Variants in ASCC3 observed in about 807,000 individuals in gnomAD.
ASCC3 encodes activating signal cointegrator 1 complex subunit 3.
ASCC3 carries 158 observed loss-of-function variants against 256.3 expected under a neutral mutation model. The observed-to-expected ratio is 0.62, with a 90% CI of 0.54 to 0.70. The LOEUF (loss-of-function observed/expected upper bound fraction) is 0.70. Ranked by LOEUF, ASCC3 falls within the 30% of genes least tolerant of loss-of-function variation. The probability of loss-of-function intolerance (pLI) is 0.00; values close to 1 mark genes in which losing one functional copy is unlikely to be tolerated. For missense variants in ASCC3, 2,259 were observed against 2,626.0 expected, an observed-to-expected ratio of 0.86 and a Z score of 3.05; for synonymous variants, 948 against 883.4, an observed-to-expected ratio of 1.07 and a Z score of -1.30.
chr6:100,527,606 T>C (rs1030885462), intron 37 of ASCC3, among the ~76,000 whole-genome samples: 1 of 152,180 alleles, frequency 6.6e-6, no homozygotes, highest in African/African-American at 2.4e-5. Context: ...TCCATGGCAA[T>C]TCTACCTCCT....
At chr6:100,824,979 T>C (rs1487398576) in intron 4 of ASCC3, among the ~76,000 whole-genome samples, 1 of 152,186 alleles carries the variant, frequency 6.6e-6, no homozygotes, top group Non-Finnish European at 1.5e-5. Flanking sequence ...ATCTCAATAG[T>C]AATACAGTAT....
At chr6:100,637,656 AAGG>A (rs1774908055) in intron 25 of ASCC3, among the ~76,000 whole-genome samples, 1 of 152,128 alleles carries the variant, frequency 6.6e-6, no homozygotes, top group Admixed American at 6.6e-5. Flanking sequence ...TGATTCTTGG[AAGG>A]AGGTCAAAAT....
At chr6:100,748,306 G>GT (rs1780195614) in intron 10 of ASCC3, among the ~76,000 whole-genome samples, 1 of 151,778 alleles carries the variant, frequency 6.6e-6, no homozygotes, top group Admixed American at 6.6e-5. Flanking sequence ...ATGAAGTATA[G>GT]TAAGTTAGGG....
intron 15 of ASCC3, 110 bp downstream of exon 15, chr6:100,662,235 T>C: frequency 8.0e-7 from 1 of 1,250,076 alleles, no homozygotes; most frequent in Non-Finnish European, 1.1e-6. Flanking sequence ...ATAAATAACA[T>C]TCAAAGTCAA....
intron 4 of ASCC3, among the ~76,000 whole-genome samples, chr6:100,818,716 G>T (rs1391092238): frequency 1.5e-5 from 2 of 135,940 alleles, no homozygotes; most frequent in African/African-American, 5.6e-5. Flanking sequence ...ACACTGTACT[G>T]TAGGTTCTAG....
intron 4 of ASCC3, among the ~76,000 whole-genome samples, chr6:100,823,567 T>A (rs1354463683): frequency 6.6e-6 from 1 of 152,196 alleles, no homozygotes; most frequent in African/African-American, 2.4e-5. Flanking sequence ...AAGTCATTAT[T>A]ATCTGTTAAG....
intron 4 of ASCC3, among the ~76,000 whole-genome samples, chr6:100,832,207 C>G (rs920643618): frequency 6.6e-6 from 1 of 151,978 alleles, no homozygotes; most frequent in Non-Finnish European, 1.5e-5. Flanking sequence ...CATGAATATT[C>G]AGAAAGAACG....
intron 10 of ASCC3, among the ~76,000 whole-genome samples, chr6:100,751,864 C>A (rs79096570): frequency 0.019 from 2,949 of 152,176 alleles, 88 homozygotes; most frequent in African/African-American, 0.068. Flanking sequence ...ATATTACTAA[C>A]TCCCTAAAAG....
At chr6:100,604,800 A>G (rs1165116114) in intron 33 of ASCC3, among the ~76,000 whole-genome samples, 1 of 152,118 alleles carries the variant, frequency 6.6e-6, no homozygotes, top group Non-Finnish European at 1.5e-5. Context: ...AAAAAGAACC[A>G]ACAATTATAT....
chr6:100,718,066 A>T lies in ASCC3; in HGVS notation c.2079+9T>A. On this transcript the variant is annotated intron_variant, in intron 12 of 41. Transcript: ENST00000369162. ...ATATTTTTAGATAAGAATTAAAATG[A>T]GTATTTACCTTATTTGCACATTTAA... is the stretch of plus-strand genomic sequence containing the variant. 1 of 1,611,130 alleles carries T rather than the reference A, an allele frequency of 6.2e-7. No individual in the cohort carries two copies. Among genetic ancestry groups the T allele is most frequent in the Non-Finnish European group, 8.5e-7 (1 of 1,177,950 alleles).
rs768178921 is a variant in ASCC3, at chr6:100,601,827, A to G, written c.5286T>C (p.Arg1762=). The change falls in exon 34 of 42, where the codon CGT becomes CGC. Residue 1762 remains arginine, a synonymous_variant. Coordinates refer to ENST00000369162, the MANE Select transcript of ASCC3 (RefSeq NM_006828.4). The stretch of plus-strand genomic sequence containing the variant: ...GCACTTACCTGGGATTCATGATAAG[A>G]CGTCGGAAAAAGTAAGTCCAGGTGA... The part of the protein sequence containing the change: ...DYITWTYFFR[R]LIMNPSYYNL... The G allele has an allele frequency of 2.4e-5, 39 of 1,612,338 alleles. No homozygotes were observed. Among genetic ancestry groups the G allele is most frequent in the Non-Finnish European group, 1.6e-5 (19 of 1,178,812 alleles).
chr6:100,614,002 A>G (rs1240843277), intron 30 of ASCC3, among the ~76,000 whole-genome samples: 1 of 152,122 alleles, frequency 6.6e-6, no homozygotes, highest in Non-Finnish European at 1.5e-5. Context: ...ATTCTTAATA[A>G]AAGCAGTATC....
chr6:100,766,767 G>T (rs879044919), intron 9 of ASCC3, 62 bp from the exon 10 acceptor site: 23 of 1,588,078 alleles, frequency 1.4e-5, no homozygotes, highest in African/African-American at 1.3e-5. Context: ...TTGTCTTACA[G>T]TAGCCAATAC....
chr6:100,811,266 T>C (rs368828854), intron 4 of ASCC3, among the ~76,000 whole-genome samples: 4 of 152,118 alleles, frequency 2.6e-5, no homozygotes, highest in Admixed American at 2.6e-4. Context: ...AATGTTAACA[T>C]TAAAGTGCTA....
chr6:100,573,916 C>T (rs562572210), intron 36 of ASCC3, among the ~76,000 whole-genome samples: 7 of 152,174 alleles, frequency 4.6e-5, no homozygotes, highest in East Asian at 1.9e-4. Context: ...TTATATGCCC[C>T]GGGGAGCTTG....
At chr6:100,578,961 C>G (rs759822201) in intron 36 of ASCC3, among the ~76,000 whole-genome samples, 1 of 152,034 alleles carries the variant, frequency 6.6e-6, no homozygotes, top group Admixed American at 6.6e-5. Flanking sequence ...ATAAATGATG[C>G]CTTTTCTCTG....
intron 24 of ASCC3, 80 bp from the exon 25 acceptor site, chr6:100,638,901 T>C: frequency 1.7e-6 from 2 of 1,173,018 alleles, no homozygotes; most frequent in Non-Finnish European, 2.5e-6. Context: ...AATAATAGAT[T>C]ATAGTAATCC....
At chr6:100,776,616 C>T (rs1234006830) in intron 8 of ASCC3, among the ~76,000 whole-genome samples, 1 of 151,990 alleles carries the variant, frequency 6.6e-6, no homozygotes, top group African/African-American at 2.4e-5. Context: ...TTATTAAATA[C>T]TGGTAATACA....
chr6:100,747,113 A>C lies in ASCC3; in HGVS notation c.1737+19452T>G, dbSNP rs9498257. On this transcript the variant is annotated intron_variant, in intron 10 of 41. Transcript: ENST00000369162. ...AGGGCAAAAGACTTGAATACACACA[A>C]CACCAAAGAAAACATATAGTTGCAA... Among the ~76,000 whole-genome samples the C allele has an allele frequency of 2.5e-3, 373 of 149,194 alleles. 3 individuals carry two copies. The highest frequency in any genetic ancestry group is 9.2e-3 in the African/African-American group (369 of 40,256).
Sources: gnomAD v4.1 joint callset for allele counts (sites outside exome capture counted in the v4.1 genomes callset) on GRCh38, gnomAD v4.1.1 for gene constraint, MANE v1.5 for transcripts, NCBI Gene and HGNC (gene_info 2026-07-23, HGNC 2026-07-21) for gene names.